The following FSTL5 variants were observed in gnomAD, a reference collection of about 807,000 sequenced individuals.
The protein encoded by FSTL5 is follistatin-related protein 5.
In FSTL5, 62 loss-of-function variants were observed where a neutral mutation model predicts 89.1. The observed-to-expected ratio is 0.70, with a 90% CI of 0.57 to 0.86. The LOEUF (loss-of-function observed/expected upper bound fraction) is 0.86. Among genes scored for constraint, FSTL5 ranks in the 40% least tolerant of loss-of-function variants. The probability of loss-of-function intolerance (pLI) is 0.00; values close to 1 mark genes in which losing one functional copy is unlikely to be tolerated. For synonymous variants in FSTL5, 383 were observed against 346.2 expected, an observed-to-expected ratio of 1.11 and a Z score of -1.18; for missense variants, 1,057 against 1,001.6, an observed-to-expected ratio of 1.06 and a Z score of -0.75.
intron 6 of FSTL5, among the ~76,000 whole-genome samples, chr4:161,680,649 T>C (rs1263934315): frequency 7.3e-6 from 1 of 136,328 alleles, no homozygotes; most frequent in Non-Finnish European, 1.7e-5. Context: ...TCTTATTTTG[T>C]GTTTTTTTTT....
chr4:161,847,929 G>A (rs373609227), intron 4 of FSTL5, among the ~76,000 whole-genome samples: 7 of 150,316 alleles, frequency 4.7e-5, no homozygotes, highest in African/African-American at 1.7e-4. Context: ...ACAGCTACTC[G>A]GGAGACTGAG....
intron 4 of FSTL5, among the ~76,000 whole-genome samples, chr4:161,919,829 A>AT (rs367657607): frequency 6.6e-5 from 10 of 152,010 alleles, no homozygotes; most frequent in African/African-American, 2.4e-4. Context: ...GTACTTTTCT[A>AT]AACCAATGAT....
At chr4:161,766,125 T>C (rs1740990507) in intron 5 of FSTL5, among the ~76,000 whole-genome samples, 1 of 152,156 alleles carries the variant, frequency 6.6e-6, no homozygotes, top group South Asian at 2.1e-4. Flanking sequence ...AATCAGTTTA[T>C]TAAGATGACA....
chr4:161,913,807 T>C (rs1733764575), intron 4 of FSTL5, among the ~76,000 whole-genome samples: 1 of 152,154 alleles, frequency 6.6e-6, no homozygotes, highest in Non-Finnish European at 1.5e-5. Flanking sequence ...TTTGGCCAAT[T>C]TCTCTCACTT....
chr4:161,717,765 C>A (rs1254944564), intron 6 of FSTL5, among the ~76,000 whole-genome samples: 1 of 152,068 alleles, frequency 6.6e-6, no homozygotes, highest in African/African-American at 2.4e-5. Context: ...ATTGTTAAAT[C>A]ATTTCATTTT....
At chr4:161,562,778 C>T (rs981206618) in intron 8 of FSTL5, among the ~76,000 whole-genome samples, 3 of 151,978 alleles carry the variant, frequency 2.0e-5, no homozygotes, top group African/African-American at 4.8e-5. Flanking sequence ...GTGCAACCAT[C>T]ACTATCACTC....
intron 6 of FSTL5, among the ~76,000 whole-genome samples, chr4:161,703,482 C>T (rs1344604616): frequency 1.3e-5 from 2 of 152,128 alleles, no homozygotes; most frequent in African/African-American, 4.8e-5. Context: ...CAAAATTACC[C>T]TTGAGCTCAG....
chr4:162,102,128 A>T (rs1390551212), intron 2 of FSTL5, among the ~76,000 whole-genome samples: 1 of 152,102 alleles, frequency 6.6e-6, no homozygotes, highest in Non-Finnish European at 1.5e-5. Flanking sequence ...ATGATCTAGC[A>T]CTACTGTTTC....
At chr4:161,736,451 C>A in intron 6 of FSTL5, among the ~76,000 whole-genome samples, 1 of 152,028 alleles carries the variant, frequency 6.6e-6, no homozygotes, top group East Asian at 1.9e-4. Context: ...TCTATTAATG[C>A]CATCTAATAT....
At chr4:161,997,924 T>C (rs749547119) in intron 3 of FSTL5, among the ~76,000 whole-genome samples, 31 of 152,112 alleles carry the variant, frequency 2.0e-4, no homozygotes, top group Admixed American at 1.4e-3. Context: ...ATGTTATCTA[T>C]ATGAATATAT....
chr4:161,423,642 G>C (rs1732065225), intron 15 of FSTL5, among the ~76,000 whole-genome samples: 1 of 151,614 alleles, frequency 6.6e-6, no homozygotes, highest in Admixed American at 6.6e-5. Flanking sequence ...TGAATTTCCG[G>C]AGACTGAGAT....
At chr4:162,045,544 C>T (rs1193520348) in intron 2 of FSTL5, among the ~76,000 whole-genome samples, 1 of 151,966 alleles carries the variant, frequency 6.6e-6, no homozygotes. Context: ...TCACTTATCA[C>T]AGATCACTAG....
chr4:161,734,431 T>A (rs1739720098), intron 6 of FSTL5, among the ~76,000 whole-genome samples: 1 of 152,222 alleles, frequency 6.6e-6, no homozygotes, highest in African/African-American at 2.4e-5. Flanking sequence ...TTTCACTGGC[T>A]GACACTAATG....
chr4:161,932,162 C>A (rs577642606), intron 3 of FSTL5, among the ~76,000 whole-genome samples: 2 of 152,008 alleles, frequency 1.3e-5, no homozygotes, highest in African/African-American at 4.8e-5. Context: ...CATAGTTTTT[C>A]AAATTCTTGC....
chr4:161,712,963 C>T (rs530922778), intron 6 of FSTL5, among the ~76,000 whole-genome samples: 1 of 152,286 alleles, frequency 6.6e-6, no homozygotes, highest in East Asian at 1.9e-4. Flanking sequence ...GCTTATTATA[C>T]CGCCTGCAGA....
chr4:162,051,653 C>T (rs1031131449), intron 2 of FSTL5, among the ~76,000 whole-genome samples: 1 of 151,244 alleles, frequency 6.6e-6, no homozygotes, highest in Admixed American at 6.6e-5. Flanking sequence ...AGATATCATT[C>T]AGTAATATTA....
At chr4:162,098,412 G>A (rs532398917) in intron 2 of FSTL5, among the ~76,000 whole-genome samples, 35 of 152,040 alleles carry the variant, frequency 2.3e-4, no homozygotes, top group African/African-American at 7.0e-4. Context: ...GATGTATTTT[G>A]CAAAAATATA....
intron 4 of FSTL5, among the ~76,000 whole-genome samples, chr4:161,864,455 C>A (rs556762227): frequency 6.6e-6 from 1 of 152,046 alleles, no homozygotes; most frequent in African/African-American, 2.4e-5. Flanking sequence ...ATAAATGTAG[C>A]AATTATTCTA....
chr4:161,678,624 G>T (rs778917214), intron 6 of FSTL5, among the ~76,000 whole-genome samples: 11 of 151,800 alleles, frequency 7.2e-5, no homozygotes, highest in Non-Finnish European at 1.6e-4. Flanking sequence ...AAAATAAACT[G>T]CAAACTCAGT....
Sources: gnomAD v4.1 joint callset for allele counts (sites outside exome capture counted in the v4.1 genomes callset) on GRCh38, gnomAD v4.1.1 for gene constraint, MANE v1.5 for transcripts, NCBI Gene and HGNC (gene_info 2026-07-23, HGNC 2026-07-21) for gene names.